Variants in RALGAPA1 observed in about 807,000 individuals in gnomAD.
The protein encoded by RALGAPA1 is ral GTPase-activating protein subunit alpha-1.
Under a neutral mutation model 269.6 loss-of-function variants are expected in RALGAPA1, and 52 were observed. The ratio of observed to expected loss-of-function variants is 0.19; its 90% CI spans 0.15 to 0.24. The LOEUF (loss-of-function observed/expected upper bound fraction) is 0.24. RALGAPA1 is among the 10% of genes least tolerant of loss of function. The probability of loss-of-function intolerance (pLI) is 1.00; values close to 1 mark genes in which losing one functional copy is unlikely to be tolerated. For missense variants in RALGAPA1, 1,917 were observed against 3,013.9 expected, an observed-to-expected ratio of 0.64 and a Z score of 8.52; for synonymous variants, 817 against 1,008.3, an observed-to-expected ratio of 0.81 and a Z score of 3.60.
intron 26 of RALGAPA1, among the ~76,000 whole-genome samples, chr14:35,666,154 A>G (rs763456266): frequency 5.3e-5 from 8 of 152,030 alleles, no homozygotes; most frequent in Non-Finnish European, 8.8e-5. Context: ...ACTCCTGAGT[A>G]GCTGGGATTA....
At chr14:35,787,323 A>G (rs561770025) in intron 1 of RALGAPA1, among the ~76,000 whole-genome samples, 8 of 152,370 alleles carry the variant, frequency 5.3e-5, no homozygotes, top group Non-Finnish European at 1.0e-4. Flanking sequence ...AAGAAATGGC[A>G]TATTTACAGT....
chr14:35,548,080 C>G (rs2054611058), intron 41 of RALGAPA1, among the ~76,000 whole-genome samples: 1 of 152,094 alleles, frequency 6.6e-6, no homozygotes, highest in South Asian at 2.1e-4. Context: ...TTACAACAGT[C>G]ATCTTTGTAT....
At chr14:35,593,265 T>C (rs867396651) in intron 37 of RALGAPA1, among the ~76,000 whole-genome samples, 1 of 152,132 alleles carries the variant, frequency 6.6e-6, no homozygotes. Flanking sequence ...TAAACATACT[T>C]AGAAATAAAT....
At chr14:35,746,509 A>T (rs2072113238) in intron 10 of RALGAPA1, among the ~76,000 whole-genome samples, 1 of 152,202 alleles carries the variant, frequency 6.6e-6, no homozygotes, top group Non-Finnish European at 1.5e-5. Flanking sequence ...AAAACATCAC[A>T]ATGTACACCT....
chr14:35,763,979 T>A (rs2073940259), intron 4 of RALGAPA1, among the ~76,000 whole-genome samples: 1 of 152,200 alleles, frequency 6.6e-6, no homozygotes, highest in South Asian at 2.1e-4. Flanking sequence ...GTATGTTAAC[T>A]ATCTTAATGT....
intron 16 of RALGAPA1, among the ~76,000 whole-genome samples, chr14:35,716,839 C>A (rs1455804785): frequency 1.3e-5 from 2 of 152,152 alleles, no homozygotes; most frequent in Non-Finnish European, 2.9e-5. Context: ...GTTCTTCTAT[C>A]TCCTATATAT....
chr14:35,549,050 A>G, intron 40 of RALGAPA1, 60 bp downstream of exon 40: 8 of 1,577,544 alleles, frequency 5.1e-6, no homozygotes, highest in Non-Finnish European at 6.9e-6. Context: ...TTTTTAGAAC[A>G]AAAGGGTACT....
intron 36 of RALGAPA1, among the ~76,000 whole-genome samples, chr14:35,596,504 A>G (rs1177708396): frequency 6.6e-6 from 1 of 152,104 alleles, no homozygotes; most frequent in East Asian, 1.9e-4. Context: ...AAAACCATTT[A>G]TATATATGCT....
chr14:35,727,645 T>C (rs1052478320), intron 13 of RALGAPA1, among the ~76,000 whole-genome samples: 13 of 152,150 alleles, frequency 8.5e-5, no homozygotes, highest in Admixed American at 2.6e-4. Flanking sequence ...AGTAAATACC[T>C]TCTAGGGGTT....
chr14:35,698,910 C>T (rs897888590), intron 17 of RALGAPA1, among the ~76,000 whole-genome samples: 7 of 152,182 alleles, frequency 4.6e-5, no homozygotes, highest in African/African-American at 7.2e-5. Flanking sequence ...AAGCATCATA[C>T]GTAACAAAAT....
intron 35 of RALGAPA1, among the ~76,000 whole-genome samples, chr14:35,612,864 CA>C (rs1006191948): frequency 6.6e-6 from 1 of 151,700 alleles, no homozygotes; most frequent in Admixed American, 6.6e-5. Flanking sequence ...AAATACAACA[CA>C]AAAACACAAG....
intron 27 of RALGAPA1, among the ~76,000 whole-genome samples, chr14:35,660,151 T>C (rs146166978): frequency 6.6e-6 from 1 of 152,170 alleles, no homozygotes; most frequent in Non-Finnish European, 1.5e-5. Context: ...CTATTCAACA[T>C]AGTATTGGAA....
intron 4 of RALGAPA1, among the ~76,000 whole-genome samples, chr14:35,769,065 T>TATATATATATATATATATATATAC (rs1237249622): frequency 1.3e-5 from 1 of 77,794 alleles, no homozygotes; most frequent in African/African-American, 4.6e-5. Context: ...TATATATATA[T>TATATATATATATATATATATATAC]ACACACACAT....
chr14:35,793,840 T>C (rs2076368166), intron 1 of RALGAPA1, among the ~76,000 whole-genome samples: 1 of 152,214 alleles, frequency 6.6e-6, no homozygotes, highest in South Asian at 2.1e-4. Context: ...TGTTTTATCA[T>C]TAATTGTTCT....
intron 1 of RALGAPA1, among the ~76,000 whole-genome samples, chr14:35,805,359 T>G (rs1188928118): frequency 6.6e-6 from 1 of 151,436 alleles, no homozygotes; most frequent in African/African-American, 2.4e-5. Flanking sequence ...GGGGGATTGC[T>G]TGAACCCGGG....
At chr14:35,739,479 T>C (rs1016768107) in intron 11 of RALGAPA1, among the ~76,000 whole-genome samples, 6 of 152,160 alleles carry the variant, frequency 3.9e-5, no homozygotes, top group Admixed American at 3.9e-4. Flanking sequence ...GAGCCCTTCC[T>C]GAATGACCCA....
intron 2 of RALGAPA1, 135 bp from the exon 3 acceptor site, chr14:35,775,190 T>G: frequency 1.7e-6 from 1 of 605,544 alleles, no homozygotes; most frequent in Non-Finnish European, 2.9e-6. Flanking sequence ...TTCCATTCAT[T>G]GTGTAGACAA....
chr14:35,784,793 T>C (rs559001100), intron 1 of RALGAPA1, among the ~76,000 whole-genome samples: 17 of 152,330 alleles, frequency 1.1e-4, no homozygotes, highest in African/African-American at 3.4e-4. Flanking sequence ...ATTTATGCAG[T>C]TGAAGACTAG....
At chr14:35,771,866 C>T (rs2074656345) in intron 3 of RALGAPA1, among the ~76,000 whole-genome samples, 1 of 152,154 alleles carries the variant, frequency 6.6e-6, no homozygotes, top group Non-Finnish European at 1.5e-5. Context: ...GTGGATATCA[C>T]TGATGAGTTT....
Sources: gnomAD v4.1 joint callset for allele counts (sites outside exome capture counted in the v4.1 genomes callset) on GRCh38, gnomAD v4.1.1 for gene constraint, MANE v1.5 for transcripts, NCBI Gene and HGNC (gene_info 2026-07-23, HGNC 2026-07-21) for gene names.